The following LUZP2 variants were observed in gnomAD, a reference collection of about 807,000 sequenced individuals.
The protein encoded by LUZP2 is leucine zipper protein 2.
In LUZP2, 52 loss-of-function variants were observed where a neutral mutation model predicts 51.6. The ratio of observed to expected loss-of-function variants is 1.01; its 90% confidence interval spans 0.81 to 1.27. LUZP2 has a LOEUF of 1.27. Ranked by LOEUF, LUZP2 falls within the 50% of genes most tolerant of loss-of-function variation. The probability of loss-of-function intolerance (pLI) is 0.00; values close to 1 mark genes in which losing one functional copy is unlikely to be tolerated. For missense variants in LUZP2, 436 were observed against 395.4 expected (o/e 1.10, Z -0.87); for synonymous variants, 154 against 137.3 (o/e 1.12, Z -0.85).
intron 5 of LUZP2, among the ~76,000 whole-genome samples, chr11:24,778,914 C>T (rs1849015596): frequency 6.6e-6 from 1 of 152,094 alleles, no homozygotes; most frequent in Non-Finnish European, 1.5e-5. Context: ...ATCAGTAATA[C>T]CTGAGTACTA....
intron 7 of LUZP2, among the ~76,000 whole-genome samples, chr11:24,928,208 C>A (rs775174498): frequency 6.6e-6 from 1 of 151,932 alleles, no homozygotes; most frequent in South Asian, 2.1e-4. Context: ...TCCTCTTTAC[C>A]AATTTGGATG....
At chr11:24,769,801 G>GT (rs1316359009) in intron 5 of LUZP2, among the ~76,000 whole-genome samples, 5 of 146,126 alleles carry the variant, frequency 3.4e-5, no homozygotes, top group Admixed American at 1.4e-4. Flanking sequence ...TTGTTTGTTT[G>GT]TTTTGTTTTG....
chr11:24,499,574 T>C (rs1249272350), intron 1 of LUZP2, among the ~76,000 whole-genome samples: 1 of 152,174 alleles, frequency 6.6e-6, no homozygotes, highest in African/African-American at 2.4e-5. Context: ...CAAAGACTTC[T>C]GTTAACTTAG....
At chr11:24,963,056 A>C (rs1855464949) in intron 7 of LUZP2, among the ~76,000 whole-genome samples, 2 of 152,204 alleles carry the variant, frequency 1.3e-5, no homozygotes, top group Admixed American at 1.3e-4. Flanking sequence ...GGGTATCAGC[A>C]GCGGTGTTTG....
intron 1 of LUZP2, among the ~76,000 whole-genome samples, chr11:24,540,972 G>A (rs1467863293): frequency 6.6e-6 from 1 of 151,906 alleles, no homozygotes; most frequent in East Asian, 1.9e-4. Context: ...GTGATGGCCG[G>A]CTGGCCATGG....
chr11:24,869,487 C>T (rs1005267848), intron 5 of LUZP2, among the ~76,000 whole-genome samples: 2 of 151,830 alleles, frequency 1.3e-5, no homozygotes, highest in African/African-American at 2.4e-5. Flanking sequence ...GATGGAGTCT[C>T]CCTCTGTCGC....
chr11:24,551,136 G>T (rs1435357916), intron 1 of LUZP2, among the ~76,000 whole-genome samples: 2 of 151,918 alleles, frequency 1.3e-5, no homozygotes, highest in African/African-American at 4.8e-5. Flanking sequence ...TTAAGCCTAT[G>T]TTTGGAAACT....
At chr11:24,766,728 A>G (rs1305746857) in intron 5 of LUZP2, among the ~76,000 whole-genome samples, 2 of 147,094 alleles carry the variant, frequency 1.4e-5, no homozygotes, top group African/African-American at 5.0e-5. Context: ...ATTATGTTTG[A>G]GATAAATGCT....
intron 5 of LUZP2, among the ~76,000 whole-genome samples, chr11:24,767,358 A>G (rs372845112): frequency 2.0e-4 from 30 of 152,196 alleles, no homozygotes; most frequent in East Asian, 7.7e-4. Flanking sequence ...AGCAAACAAC[A>G]ATGCATAAAT....
chr11:24,813,037 T>G (rs1255717462), intron 5 of LUZP2, among the ~76,000 whole-genome samples: 2 of 152,184 alleles, frequency 1.3e-5, no homozygotes, highest in Admixed American at 1.3e-4. Context: ...ACATTCAGTC[T>G]TTCTCTAAAT....
At chr11:24,747,804 C>T (rs1859435332) in intron 4 of LUZP2, among the ~76,000 whole-genome samples, 1 of 152,042 alleles carries the variant, frequency 6.6e-6, no homozygotes, top group Non-Finnish European at 1.5e-5. Flanking sequence ...ATGGCTACCT[C>T]TGCTGAGTCA....
intron 1 of LUZP2, among the ~76,000 whole-genome samples, chr11:24,669,240 G>T (rs1409121052): frequency 6.6e-6 from 1 of 152,070 alleles, no homozygotes; most frequent in East Asian, 1.9e-4. Context: ...GAAGTGAAAT[G>T]AGCAGTTTGT....
At chr11:24,904,562 C>T (rs1427883048) in intron 5 of LUZP2, among the ~76,000 whole-genome samples, 1 of 152,148 alleles carries the variant, frequency 6.6e-6, no homozygotes, top group Non-Finnish European at 1.5e-5. Context: ...GGATTACAGG[C>T]ATGAGCCACC....
At chr11:25,013,118 G>A (rs1306540953) in intron 9 of LUZP2, among the ~76,000 whole-genome samples, 1 of 152,048 alleles carries the variant, frequency 6.6e-6, no homozygotes. Flanking sequence ...AAATAAGCCG[G>A]GGACCAAAAG....
In LUZP2 at chr11:24,600,428, G is replaced by A. The variant is rs569010797; in HGVS notation, c.62+103123G>A. ...TACATTTCTGTTGTTTTAAGCCACC[G>A]AATTTGTGGTGCTTTATTATGAAGC... On this transcript the variant is annotated intron_variant, in intron 1 of 11. Coordinates refer to ENST00000336930, the MANE Select transcript of LUZP2 (RefSeq NM_001009909.4). Among the ~76,000 whole-genome samples, 239 of 152,194 alleles carry A rather than the reference G, an allele frequency of 1.6e-3. 2 individuals are homozygous for A. The highest frequency in any genetic ancestry group is 0.014 in the Middle Eastern group (4 of 294).
At chr11:24,699,917 CCAA>C (rs1168903026) in intron 1 of LUZP2, among the ~76,000 whole-genome samples, 1 of 151,256 alleles carries the variant, frequency 6.6e-6, no homozygotes, top group Non-Finnish European at 1.5e-5. Flanking sequence ...GGAGTAAGAG[CCAA>C]CAACAACAGA....
At chr11:24,507,325 A>C (rs1171287148) in intron 1 of LUZP2, among the ~76,000 whole-genome samples, 1 of 152,064 alleles carries the variant, frequency 6.6e-6, no homozygotes, top group Non-Finnish European at 1.5e-5. Flanking sequence ...TCAACATGCA[A>C]ATTGTAGCTG....
intron 1 of LUZP2, among the ~76,000 whole-genome samples, chr11:24,601,898 ATATATG>A (rs1413460086): frequency 1.6e-5 from 1 of 64,234 alleles, no homozygotes; most frequent in African/African-American, 5.9e-5. Context: ...GTATATATGT[ATATATG>A]TATATATGTA....
intron 1 of LUZP2, among the ~76,000 whole-genome samples, chr11:24,612,854 T>C (rs1404051101): frequency 6.6e-6 from 1 of 152,098 alleles, no homozygotes; most frequent in Non-Finnish European, 1.5e-5. Flanking sequence ...TTAATTTTCT[T>C]TAGGGAGGTG....
Sources: gnomAD v4.1 joint callset for allele counts (sites outside exome capture counted in the v4.1 genomes callset) on GRCh38, gnomAD v4.1.1 for gene constraint, MANE v1.5 for transcripts, NCBI Gene and HGNC (gene_info 2026-07-23, HGNC 2026-07-21) for gene names.